Variants in DMRT1 observed in about 807,000 individuals in gnomAD.
DMRT1 encodes doublesex and mab-3 related transcription factor 1, also known as doublesex- and mab-3-related transcription factor 1.
Under a neutral mutation model 32.3 loss-of-function variants are expected in DMRT1, and 7 were observed. That is an observed-to-expected ratio of 0.22 (90% CI 0.12 to 0.41). DMRT1 has a LOEUF of 0.41. Ranked by LOEUF, DMRT1 falls within the 10% of genes least tolerant of loss-of-function variation. The pLI, the probability that DMRT1 is intolerant of heterozygous loss-of-function variation, is 1.00. For missense variants in DMRT1, 625 were observed against 500.5 expected, an observed-to-expected ratio of 1.25 and a Z score of -2.37; for synonymous variants, 278 against 206.1, an observed-to-expected ratio of 1.35 and a Z score of -2.99.
chr9:885,203 G>A (rs1377533759), intron 2 of DMRT1, among the ~76,000 whole-genome samples: 1 of 152,148 alleles, frequency 6.6e-6, no homozygotes, highest in African/African-American at 2.4e-5. Flanking sequence ...AGCCCCAGTG[G>A]GTGTGTGTTA....
intron 4 of DMRT1, among the ~76,000 whole-genome samples, chr9:932,589 A>C (rs747141307): frequency 3.9e-5 from 6 of 152,128 alleles, no homozygotes; most frequent in Non-Finnish European, 8.8e-5. Context: ...GTGTCCTACA[A>C]TTCAATTCAA....
At chr9:907,309 A>G (rs1817810541) in intron 3 of DMRT1, among the ~76,000 whole-genome samples, 1 of 152,198 alleles carries the variant, frequency 6.6e-6, no homozygotes. Flanking sequence ...TATGCCTGGT[A>G]TACATGGGTT....
chr9:959,312 C>T (rs1819695278), intron 4 of DMRT1, among the ~76,000 whole-genome samples: 1 of 152,182 alleles, frequency 6.6e-6, no homozygotes, highest in Non-Finnish European at 1.5e-5. Flanking sequence ...TGCACAGAGT[C>T]CCTGAGGAAC....
intron 2 of DMRT1, among the ~76,000 whole-genome samples, chr9:881,657 T>C (rs1366675493): frequency 6.6e-6 from 1 of 152,256 alleles, no homozygotes; most frequent in Non-Finnish European, 1.5e-5. Context: ...CCTAAATACA[T>C]GTACACAGTC....
chr9:951,727 A>C (rs1028753683), intron 4 of DMRT1, among the ~76,000 whole-genome samples: 6 of 152,228 alleles, frequency 3.9e-5, no homozygotes, highest in Non-Finnish European at 8.8e-5. Flanking sequence ...GTAGTTTGAC[A>C]GAAATGAGAC....
chr9:901,911 CTTT>C lies in DMRT1; in HGVS notation c.822+7733_822+7735del, dbSNP rs34006231. ...ACACCATCAGCAAGTGAAACTAGCC[CTTT>C]TTTTTTTTTTTTTTTTGAGACAGAG... On this transcript the variant is annotated intron_variant, in intron 3 of 4. Transcript: ENST00000382276. Among the ~76,000 whole-genome samples the C allele has an allele frequency of 6.6e-3, 752 of 114,294 alleles. 5 individuals carry two copies. The highest frequency in any genetic ancestry group is 0.014 in the African/African-American group (416 of 30,156). The allele number at this position is 114,294 out of a possible 152,430, so 75.0% of individuals were successfully genotyped here.
intron 4 of DMRT1, among the ~76,000 whole-genome samples, chr9:962,757 G>C (rs955484226): frequency 2.6e-5 from 4 of 152,080 alleles, no homozygotes; most frequent in Non-Finnish European, 4.4e-5. Flanking sequence ...AACAAAAAAG[G>C]CTTCTTCCCT....
intron 3 of DMRT1, among the ~76,000 whole-genome samples, chr9:898,408 C>T (rs1176796876): frequency 6.6e-6 from 1 of 152,152 alleles, no homozygotes; most frequent in Non-Finnish European, 1.5e-5. Context: ...CATGAGTCAC[C>T]GTGCCTGGCC....
intron 4 of DMRT1, among the ~76,000 whole-genome samples, chr9:921,216 G>T (rs1366519047): frequency 1.3e-5 from 2 of 151,978 alleles, no homozygotes; most frequent in African/African-American, 2.4e-5. Flanking sequence ...CTATAGATTT[G>T]CCAGTTCTGG....
rs1019155263 is a variant in DMRT1, at chr9:894,057, C to T, written c.684C>T (p.Cys228=). 2.5e-6 allele frequency: 4 copies of T among 1,614,134 alleles called. No individual in the cohort carries two copies. Among genetic ancestry groups the T allele is most frequent in the Non-Finnish European group, 3.4e-6 (4 of 1,180,058 alleles). ...CTTATTACAACAATCTATACAACTG[C>T]CCGCAGTACTCCATGGCCTTGGCTG... is the stretch of plus-strand genomic sequence containing the variant. ...LFPYYNNLYN[C]PQYSMALAAD... The change falls in exon 3 of 5, where the codon TGC becomes TGT. Residue 228 remains cysteine, a synonymous_variant. Coordinates refer to ENST00000382276, the MANE Select transcript of DMRT1 (RefSeq NM_021951.3).
At chr9:878,797 C>G (rs141667959) in intron 2 of DMRT1, among the ~76,000 whole-genome samples, 1 of 152,180 alleles carries the variant, frequency 6.6e-6, no homozygotes, top group African/African-American at 2.4e-5. Flanking sequence ...CAGAGCCTTT[C>G]TAAGTACATG....
At chr9:934,310 T>C (rs1205151992) in intron 4 of DMRT1, among the ~76,000 whole-genome samples, 1 of 152,210 alleles carries the variant, frequency 6.6e-6, no homozygotes, top group Non-Finnish European at 1.5e-5. Flanking sequence ...ATATTTTTAA[T>C]TTTTGATGAA....
At chr9:893,663 A>G (rs1447089634) in intron 2 of DMRT1, among the ~76,000 whole-genome samples, 1 of 152,260 alleles carries the variant, frequency 6.6e-6, no homozygotes, top group Non-Finnish European at 1.5e-5. Flanking sequence ...ATGTAATTAA[A>G]ATCACCTCTA....
Position 841,901 on chromosome 9 carries a change from G to T in DMRT1, c.63G>T (p.Gly21=). Residue 21 remains glycine, a synonymous_variant, in exon 1 of 5, where the codon GGG becomes GGT. Transcript: ENST00000382276. Reference sequence around the variant, plus strand: ...CGTCGGAAGCCCCTCACGCCCCCGGGGTACCGCCGCAGGGCAGAGCCGGGG... The same window carrying T: ...CGTCGGAAGCCCCTCACGCCCCCGGTGTACCGCCGCAGGGCAGAGCCGGGG... The part of the protein sequence containing the change: ...STPSEAPHAP[G]VPPQGRAGGF... 3 of 1,611,524 alleles carry T rather than the reference G, an allele frequency of 1.9e-6. No homozygotes were observed. The highest frequency in any genetic ancestry group is 2.5e-6 in the Non-Finnish European group (3 of 1,179,028).
At chr9:924,543 T>C (rs753482222) in intron 4 of DMRT1, among the ~76,000 whole-genome samples, 21 of 152,202 alleles carry the variant, frequency 1.4e-4, no homozygotes, top group Non-Finnish European at 2.5e-4. Flanking sequence ...TATCTTTCTG[T>C]TTTGGCAGGT....
At chr9:963,621 G>A (rs1380927679) in intron 4 of DMRT1, among the ~76,000 whole-genome samples, 2 of 152,126 alleles carry the variant, frequency 1.3e-5, no homozygotes, top group African/African-American at 4.8e-5. Context: ...TTTATCCCTT[G>A]TTCTGAGTGC....
chr9:930,137 A>T (rs1451604627), intron 4 of DMRT1, among the ~76,000 whole-genome samples: 2 of 152,146 alleles, frequency 1.3e-5, no homozygotes, highest in Non-Finnish European at 2.9e-5. Flanking sequence ...AAATGCTCCA[A>T]ATACGGAGCC....
chr9:877,767 A>G (rs968362702), intron 2 of DMRT1, among the ~76,000 whole-genome samples: 1 of 152,222 alleles, frequency 6.6e-6, no homozygotes, highest in Admixed American at 6.5e-5. Flanking sequence ...GCTCCAGATA[A>G]TTCCCAGTTT....
intron 4 of DMRT1, among the ~76,000 whole-genome samples, chr9:932,260 C>T (rs1045624471): frequency 6.6e-6 from 1 of 152,196 alleles, no homozygotes; most frequent in African/African-American, 2.4e-5. Flanking sequence ...TAACCTTAAA[C>T]AGTTTAACTC....
Sources: gnomAD v4.1 joint callset for allele counts (sites outside exome capture counted in the v4.1 genomes callset) on GRCh38, gnomAD v4.1.1 for gene constraint, MANE v1.5 for transcripts, NCBI Gene and HGNC (gene_info 2026-07-23, HGNC 2026-07-21) for gene names.